RBFOX1: variants seen among roughly 807,000 people sequenced by gnomAD.
The protein encoded by RBFOX1 is RNA binding fox-1 homolog 1.
In RBFOX1, 8 loss-of-function variants were observed where a neutral mutation model predicts 57.7. The observed-to-expected ratio is 0.14, with a 90% CI of 0.08 to 0.25. The LOEUF is 0.25. Among genes scored for constraint, RBFOX1 ranks in the 10% least tolerant of loss-of-function variants. The pLI, the probability that RBFOX1 is intolerant of heterozygous loss-of-function variation, is 1.00. For missense variants in RBFOX1, 611 were observed against 548.5 expected, an observed-to-expected ratio of 1.11 and a Z score of -1.14; for synonymous variants, 326 against 222.4, an observed-to-expected ratio of 1.47 and a Z score of -4.15.
intron 4 of RBFOX1, among the ~76,000 whole-genome samples, chr16:7,145,395 C>T (rs146383583): frequency 0.042 from 6,428 of 151,996 alleles, 468 homozygotes; most frequent in African/African-American, 0.14. Context: ...TAAATACAGA[C>T]GGGGTTTCAC....
intron 1 of RBFOX1, among the ~76,000 whole-genome samples, chr16:5,253,726 C>T (rs538012546): frequency 6.6e-6 from 1 of 152,240 alleles, no homozygotes; most frequent in Non-Finnish European, 1.5e-5. Flanking sequence ...GAGGTGGGTG[C>T]TGTGATTATC....
intron 2 of RBFOX1, among the ~76,000 whole-genome samples, chr16:6,556,205 G>A (rs2097095836): frequency 6.6e-6 from 1 of 152,120 alleles, no homozygotes; most frequent in Non-Finnish European, 1.5e-5. Context: ...TGTAGGAATT[G>A]GGTGTTCTTT....
At chr16:7,507,642 C>T (rs535949534) in intron 4 of RBFOX1, among the ~76,000 whole-genome samples, 4 of 148,082 alleles carry the variant, frequency 2.7e-5, no homozygotes, top group Non-Finnish European at 4.4e-5. Context: ...TGGCTCGCTG[C>T]AAGCTCCGCC....
chr16:7,172,085 T>C (rs1291410298), intron 4 of RBFOX1, among the ~76,000 whole-genome samples: 1 of 152,208 alleles, frequency 6.6e-6, no homozygotes, highest in Non-Finnish European at 1.5e-5. Context: ...ATTGATTTGC[T>C]TTAACGTTCT....
intron 3 of RBFOX1, among the ~76,000 whole-genome samples, chr16:5,685,891 G>A (rs1197646550): frequency 6.6e-6 from 1 of 152,204 alleles, no homozygotes; most frequent in African/African-American, 2.4e-5. Context: ...AGAAAGAGAT[G>A]TTCATTGCAG....
chr16:5,480,857 C>T (rs1197887180), intron 2 of RBFOX1, among the ~76,000 whole-genome samples: 2 of 152,184 alleles, frequency 1.3e-5, no homozygotes, highest in African/African-American at 2.4e-5. Context: ...TGGGTTGTTT[C>T]CACTGATTTG....
chr16:5,272,621 A>G (rs150574653), intron 1 of RBFOX1, among the ~76,000 whole-genome samples: 3 of 152,298 alleles, frequency 2.0e-5, no homozygotes, highest in Non-Finnish European at 4.4e-5. Context: ...CCGGGAGCAT[A>G]CAACACTTAC....
intron 2 of RBFOX1, among the ~76,000 whole-genome samples, chr16:6,360,534 T>C (rs769214554): frequency 6.6e-6 from 1 of 152,194 alleles, no homozygotes; most frequent in Non-Finnish European, 1.5e-5. Context: ...TGAAAGTCTC[T>C]ACTCCTCTGT....
intron 5 of RBFOX1, among the ~76,000 whole-genome samples, chr16:7,529,997 A>G (rs1173970098): frequency 8.6e-6 from 1 of 116,444 alleles, no homozygotes; most frequent in Non-Finnish European, 1.8e-5. Context: ...AAACAGAGTC[A>G]GACTCCATCT....
At chr16:6,325,189 C>G (rs997653747) in intron 2 of RBFOX1, among the ~76,000 whole-genome samples, 2 of 151,882 alleles carry the variant, frequency 1.3e-5, no homozygotes, top group African/African-American at 2.4e-5. Flanking sequence ...TAACCCATCT[C>G]TACATAAAAT....
At chr16:6,150,540 C>T (rs188096956) in intron 1 of RBFOX1, among the ~76,000 whole-genome samples, 1 of 152,036 alleles carries the variant, frequency 6.6e-6, no homozygotes, top group African/African-American at 2.4e-5. Context: ...CCAAATGAAC[C>T]AAATGAATGC....
At chr16:7,164,615 T>A (rs1419715698) in intron 4 of RBFOX1, among the ~76,000 whole-genome samples, 1 of 152,220 alleles carries the variant, frequency 6.6e-6, no homozygotes, top group East Asian at 1.9e-4. Flanking sequence ...TTTAATAACG[T>A]GTAATTTCTT....
intron 4 of RBFOX1, among the ~76,000 whole-genome samples, chr16:7,324,014 T>TTTTTG (rs564985147): frequency 3.2e-4 from 48 of 152,132 alleles, no homozygotes; most frequent in East Asian, 3.9e-4. Context: ...ATCCAGCAGT[T>TTTTTG]TTTTGTTTTG....
At chr16:6,336,847 G>A (rs181915148) in intron 2 of RBFOX1, among the ~76,000 whole-genome samples, 9 of 152,230 alleles carry the variant, frequency 5.9e-5, no homozygotes, top group Admixed American at 5.9e-4. Context: ...GAGTGAAAAC[G>A]ATCCATGACA....
intron 4 of RBFOX1, among the ~76,000 whole-genome samples, chr16:7,386,043 C>T (rs1045079405): frequency 6.6e-6 from 1 of 151,792 alleles, no homozygotes; most frequent in Non-Finnish European, 1.5e-5. Flanking sequence ...CACGGCTCAG[C>T]CTCCCAAAGT....
chr16:6,291,319 T>C (rs1407707748), intron 1 of RBFOX1, among the ~76,000 whole-genome samples: 3 of 152,220 alleles, frequency 2.0e-5, no homozygotes, highest in Admixed American at 6.5e-5. Flanking sequence ...GTTGCTCTGA[T>C]TCAAACACCT....
chr16:5,914,309 T>C (rs2058663546), intron 4 of RBFOX1, among the ~76,000 whole-genome samples: 2 of 151,962 alleles, frequency 1.3e-5, no homozygotes, highest in South Asian at 4.1e-4. Flanking sequence ...CCAATTTTTG[T>C]TGGGTCAGAA....
chr16:7,413,014 C>G (rs999488424), intron 4 of RBFOX1, among the ~76,000 whole-genome samples: 1 of 151,702 alleles, frequency 6.6e-6, no homozygotes, highest in Non-Finnish European at 1.5e-5. Context: ...TGCACTCCAG[C>G]CCGGGCGAAA....
intron 1 of RBFOX1, among the ~76,000 whole-genome samples, chr16:6,184,250 G>A (rs1408806330): frequency 6.6e-6 from 1 of 152,158 alleles, no homozygotes; most frequent in Non-Finnish European, 1.5e-5. Context: ...TTTGGGTGGG[G>A]ACACAGCCAA....
Sources: allele counts gnomAD v4.1 joint callset (sites outside exome capture counted in the v4.1 genomes callset), GRCh38; gene constraint gnomAD v4.1.1; transcripts MANE v1.5; gene names NCBI Gene and HGNC (gene_info 2026-07-23, HGNC 2026-07-21).